NSD2: variants seen among roughly 807,000 people sequenced by gnomAD.
NSD2 encodes histone-lysine N-methyltransferase NSD2.
Under a neutral mutation model 139.0 loss-of-function variants are expected in NSD2, and 12 were observed. The ratio of observed to expected loss-of-function variants is 0.09; its 90% CI spans 0.06 to 0.14. The LOEUF is 0.14. Ranked by LOEUF, NSD2 falls within the 10% of genes least tolerant of loss-of-function variation. The pLI is 1.00. For synonymous variants in NSD2, 669 were observed against 648.7 expected, an observed-to-expected ratio of 1.03 and a Z score of -0.48; for missense variants, 1,155 against 1,745.0, an observed-to-expected ratio of 0.66 and a Z score of 6.02.
intron 1 of NSD2, among the ~76,000 whole-genome samples, chr4:1,881,181 G>T (rs1714667989): frequency 6.6e-6 from 1 of 152,166 alleles, no homozygotes; most frequent in South Asian, 2.1e-4. Flanking sequence ...GGACTCAAAT[G>T]GTCCTCCCAC....
chr4:1,965,714 A>G (rs1246459747), intron 18 of NSD2, among the ~76,000 whole-genome samples: 1 of 152,220 alleles, frequency 6.6e-6, no homozygotes, highest in Non-Finnish European at 1.5e-5. Context: ...ATAACAGGGG[A>G]GGCCTCAAGA....
chr4:1,891,878 A>C (rs573429057), intron 1 of NSD2, among the ~76,000 whole-genome samples: 2 of 150,618 alleles, frequency 1.3e-5, no homozygotes, highest in South Asian at 2.1e-4. Context: ...AAAACAAAAA[A>C]AAACAAACAA....
At chr4:1,950,672 A>G (rs1413872026) in intron 9 of NSD2, among the ~76,000 whole-genome samples, 1 of 152,190 alleles carries the variant, frequency 6.6e-6, no homozygotes, top group African/African-American at 2.4e-5. Context: ...TGGTGTTAGC[A>G]TGTTTCTCCC....
chr4:1,959,847 T>G, intron 17 of NSD2, 107 bp downstream of exon 17: 4 of 1,473,302 alleles, frequency 2.7e-6, no homozygotes, highest in Non-Finnish European at 3.6e-6. Context: ...AATGGTATTT[T>G]TTGGAAAAAA....
chr4:1,908,471 A>G (rs952331149), intron 3 of NSD2, among the ~76,000 whole-genome samples: 2 of 152,270 alleles, frequency 1.3e-5, no homozygotes, highest in East Asian at 1.9e-4. Context: ...GCATTAGAGT[A>G]TAAAAGATAC....
Position 1,974,874 on chromosome 4 carries a change from A to C in NSD2, c.3384A>C (p.Ile1128=). 3 of 1,614,266 alleles carry C rather than the reference A, an allele frequency of 1.9e-6. No individual in the cohort carries two copies. In the Admixed American group the frequency reaches 5.0e-5, roughly 27 times the overall value. The change falls in exon 19 of 22, where the codon ATA becomes ATC. Residue 1128 remains isoleucine, a synonymous_variant. Coordinates refer to ENST00000508803, the MANE Select transcript of NSD2 (RefSeq NM_001042424.3). The surrounding 1 kb of genome is among the most constrained non-coding windows in gnomAD (Gnocchi z 4.0). ...YMLTIDKDRI[I]DAGPKGNYSR... Reference sequence around the variant, plus strand: ...ACTTGACCTTACAGGACCGTATAATAGACGCTGGCCCCAAAGGAAACTACT... The same window carrying C: ...ACTTGACCTTACAGGACCGTATAATCGACGCTGGCCCCAAAGGAAACTACT...
At chr4:1,912,728 G>A (rs1718845369) in intron 3 of NSD2, among the ~76,000 whole-genome samples, 1 of 151,236 alleles carries the variant, frequency 6.6e-6, no homozygotes, top group African/African-American at 2.4e-5. Context: ...TTCTTTCTTT[G>A]TAAAAAAGTT....
At chr4:1,885,063 T>G (rs1410734671) in intron 1 of NSD2, among the ~76,000 whole-genome samples, 4 of 151,730 alleles carry the variant, frequency 2.6e-5, no homozygotes, top group African/African-American at 9.7e-5. Context: ...TGAGCCGAGA[T>G]CATGCCATTG....
chr4:1,976,754 TC>T lies in NSD2; in HGVS notation c.3826+77del, dbSNP rs1268291994. 3.8e-5 allele frequency: 56 copies of T among 1,467,830 alleles called. No individual in the cohort carries two copies. The highest frequency in any genetic ancestry group is 4.8e-4 in the Middle Eastern group (2 of 4,142). The allele number at this position is 1,467,830 out of a possible 1,614,324, so 90.9% of individuals were successfully genotyped here. On this transcript the variant is annotated intron_variant, in intron 21 of 21. Transcript: ENST00000508803. This position sits in a 1 kb window ranked among gnomAD's most constrained non-coding sequence, Gnocchi z 5.3. ...TCCTGATGGCGGCTGCTGCCGCTCTTCCTGCTGACCGGGCCTCATCTGGGTG... is the reference window on the plus strand; with the variant it reads ...TCCTGATGGCGGCTGCTGCCGCTCTTCTGCTGACCGGGCCTCATCTGGGTG...
rs1023372692 is a variant in NSD2 at position 1,981,109 on chromosome 4, A to C, written c.*2200A>C. The C allele has an allele frequency of 4.3e-6, 1 of 233,184 alleles. No individual in the cohort carries two copies. Among genetic ancestry groups the C allele is most frequent in the African/African-American group, 2.2e-5 (1 of 45,350 alleles). 14.4% of individuals were successfully genotyped at this position (233,184 alleles called of 1,614,324 possible). A position where few individuals can be genotyped will look rare whatever the true frequency, so the allele number is the denominator to read the frequency against. ...TATTTTTGTGTTGGACAGTAGTGAA[A>C]TCTTGTGATTTTTAATCGCTTTGAT... is the stretch of plus-strand genomic sequence containing the variant. On this transcript the variant is annotated 3_prime_UTR_variant, in exon 22 of 22. Coordinates refer to ENST00000508803, the MANE Select transcript of NSD2 (RefSeq NM_001042424.3).
rs1284138682 is a variant in NSD2, at chr4:1,952,155, C to T, written c.2061C>T (p.Cys687=). 6.2e-6 allele frequency: 10 copies of T among 1,614,042 alleles called. No individual in the cohort carries two copies. Among genetic ancestry groups the T allele is most frequent in the East Asian group, 4.5e-5 (2 of 44,896 alleles). The change falls in exon 11 of 22, where the codon TGC becomes TGT. Residue 687 remains cysteine (C), a synonymous_variant. Transcript: ENST00000508803. ...TCCTGCTCTGTGAAGGACCCTGCTG[C>T]GGAGCTTTCCACCTCGCCTGCCTTG... is the stretch of plus-strand genomic sequence containing the variant. ...GSLLLCEGPC[C]GAFHLACLGL...
chr4:1,935,454 C>T (rs1336960978), intron 7 of NSD2, among the ~76,000 whole-genome samples, 192 bp downstream of exon 7: 1 of 152,218 alleles, frequency 6.6e-6, no homozygotes, highest in African/African-American at 2.4e-5. Flanking sequence ...CAGGTTCTTA[C>T]CCTCCAGGGG....
Position 1,972,345 on chromosome 4 carries a change from G to A in NSD2, c.3373-2518G>A, listed in dbSNP as rs1409575929. 6.6e-6 allele frequency among the ~76,000 whole-genome samples: 1 copy of A among 152,220 alleles called. No homozygotes were observed. Among genetic ancestry groups the A allele is most frequent in the Non-Finnish European group, 1.5e-5 (1 of 68,040 alleles). On this transcript the variant is annotated intron_variant, in intron 18 of 21. Transcript: ENST00000508803. This position sits in a 1 kb window ranked among gnomAD's most constrained non-coding sequence, Gnocchi z 4.0. The stretch of plus-strand genomic sequence containing the variant: ...GCTGTGAGGGTGGAAATCTTCCCCA[G>A]TGCAAGCTCGTTGTAGGTGCGATAA...
At chr4:1,927,719 GAAAAAAAAAAAAA>G (rs1177170379) in intron 5 of NSD2, among the ~76,000 whole-genome samples, 8 of 18,910 alleles carry the variant, frequency 4.2e-4, no homozygotes, top group East Asian at 2.6e-3. Flanking sequence ...TCTTATCTCA[GAAAAAAAAAAAAA>G]AAAAAAAAAA....
rs562252470 is a variant in NSD2 at position 1,953,515 on chromosome 4, C to G, written c.2329C>G (p.Pro777Ala). ...TGCTTCCAACCCTTCAAACCCAAGG[C>G]CGTCAAAAGGTACAGGTGCACCTGC... ...CHASNPSNPRPSKGKMMRCVR... is the reference protein window; with the variant it reads ...CHASNPSNPRASKGKMMRCVR... The change falls in exon 12 of 22, where the codon CCG becomes GCG. Residue 777 changes from proline (P) to alanine (A), a missense_variant. Physicochemically the swap from Pro to Ala is conservative, Grantham distance 27. Transcript: ENST00000508803. 12 of 1,609,700 alleles carry G rather than the reference C, an allele frequency of 7.5e-6. No individual in the cohort carries two copies. The highest frequency in any genetic ancestry group is 9.3e-6 in the Non-Finnish European group (11 of 1,178,326).
At chr4:1,893,217 C>T (rs953432087) in intron 1 of NSD2, among the ~76,000 whole-genome samples, 1 of 152,158 alleles carries the variant, frequency 6.6e-6, no homozygotes, top group Non-Finnish European at 1.5e-5. Context: ...CCTCCAATCC[C>T]AGCACTTTGG....
intron 1 of NSD2, among the ~76,000 whole-genome samples, chr4:1,887,860 A>G (rs1437104610): frequency 6.6e-6 from 1 of 151,920 alleles, no homozygotes; most frequent in Non-Finnish European, 1.5e-5. Flanking sequence ...TGAACTGTAT[A>G]AAAAGCCTTT....
intron 18 of NSD2, among the ~76,000 whole-genome samples, chr4:1,965,159 T>C (rs1168971213): frequency 6.7e-6 from 1 of 149,842 alleles, no homozygotes; most frequent in Non-Finnish European, 1.5e-5. Context: ...GGCCAGATGA[T>C]AGATCTACTA....
intron 6 of NSD2, among the ~76,000 whole-genome samples, chr4:1,933,912 A>G (rs1466283884): frequency 6.6e-6 from 1 of 152,204 alleles, no homozygotes; most frequent in Non-Finnish European, 1.5e-5. Context: ...AACACCTAAC[A>G]CATGGAACAG....
Sources: allele counts gnomAD v4.1 joint callset (sites outside exome capture counted in the v4.1 genomes callset), GRCh38; gene constraint gnomAD v4.1.1; non-coding constraint Gnocchi (gnomAD v3.1); transcripts MANE v1.5; gene names NCBI Gene and HGNC (gene_info 2026-07-23, HGNC 2026-07-21).